The following PGRMC2 variants were observed in gnomAD, a reference collection of about 807,000 sequenced individuals.
The protein encoded by PGRMC2 is membrane-associated progesterone receptor component 2.
Under a neutral mutation model 19.3 loss-of-function variants are expected in PGRMC2, and 9 were observed. That is an observed-to-expected ratio of 0.47 (90% CI 0.28 to 0.81). The LOEUF (loss-of-function observed/expected upper bound fraction) is 0.81. PGRMC2 is among the 40% of genes least tolerant of loss of function. The pLI is 0.11. For missense variants in PGRMC2, 289 were observed against 297.3 expected (o/e 0.97, Z 0.21); for synonymous variants, 157 against 124.6 (o/e 1.26, Z -1.73).
intron 1 of PGRMC2, among the ~76,000 whole-genome samples, chr4:128,284,620 A>G (rs544047117): frequency 3.3e-5 from 5 of 150,952 alleles, no homozygotes; most frequent in African/African-American, 1.2e-4. Context: ...ATGACTAAAA[A>G]TAAACACATG....
In PGRMC2 at chr4:128,287,793, C is replaced by A; in HGVS notation, c.-3G>T. 1 of 1,509,452 alleles carries A rather than the reference C, an allele frequency of 6.6e-7. No individual in the cohort carries two copies. Among genetic ancestry groups the A allele is most frequent in the Non-Finnish European group, 9.0e-7 (1 of 1,107,766 alleles). 93.5% of individuals were successfully genotyped at this position (1,509,452 alleles called of 1,614,324 possible). On this transcript the variant is annotated 5_prime_UTR_variant, in exon 1 of 3. Transcript: ENST00000296425. ...ACGTCCCCATCACCAGCCGCCATCACTGCCCGCCAGCGCCTTCCTCCTCCT... is the reference window on the plus strand; with the variant it reads ...ACGTCCCCATCACCAGCCGCCATCAATGCCCGCCAGCGCCTTCCTCCTCCT...
intron 1 of PGRMC2, among the ~76,000 whole-genome samples, chr4:128,283,004 C>T (rs1432272855): frequency 6.6e-6 from 1 of 152,094 alleles, no homozygotes; most frequent in Non-Finnish European, 1.5e-5. Flanking sequence ...AAAGAATACT[C>T]CACCTGGAAT....
Position 128,287,552 on chromosome 4 carries a change from A to G in PGRMC2, c.239T>C (p.Leu80Pro). ...CTCGCCCGCCCCGGCCCCGGCCCCCAGACCCCGCCGCCCCCAGCGCACCCA... is the reference window on the plus strand; with the variant it reads ...CTCGCCCGCCCCGGCCCCGGCCCCCGGACCCCGCCGCCCCCAGCGCACCCA... The part of the protein sequence containing the change: ...RLWVRWGRRG[L>P]GAGAGAGEES... Residue 80 changes from leucine to proline, a missense_variant, in exon 1 of 3, where the codon CTG becomes CCG. Transcript: ENST00000296425. 2 of 209,242 alleles carry G rather than the reference A, an allele frequency of 9.6e-6. No individual in the cohort carries two copies. Among genetic ancestry groups the G allele is most frequent in the East Asian group, 2.9e-4 (1 of 3,468 alleles). 13.0% of individuals were successfully genotyped at this position (209,242 alleles called of 1,614,324 possible).
At position 128,271,164 on chromosome 4, in the gene PGRMC2, T is replaced by G. The variant is rs1300310505; in HGVS notation, c.*152A>C. The G allele has an allele frequency of 1.3e-5, 6 of 476,208 alleles. No individual in the cohort carries two copies. Among genetic ancestry groups the G allele is most frequent in the Non-Finnish European group, 2.3e-5 (6 of 264,348 alleles). 29.5% of individuals were successfully genotyped at this position (476,208 alleles called of 1,614,324 possible). ...GGCAGCATAAATAATGTCTAGTTATTCAAATCTTCATAGTGAGATTAATTT... is the reference window on the plus strand; with the variant it reads ...GGCAGCATAAATAATGTCTAGTTATGCAAATCTTCATAGTGAGATTAATTT... On this transcript the variant is annotated 3_prime_UTR_variant, in exon 3 of 3. Transcript: ENST00000296425.
At chr4:128,281,810 T>C (rs1760914349) in intron 1 of PGRMC2, among the ~76,000 whole-genome samples, 2 of 152,228 alleles carry the variant, frequency 1.3e-5, no homozygotes, top group Admixed American at 6.5e-5. Flanking sequence ...AGGTTTCTAG[T>C]ATGATCAGTT....
intron 1 of PGRMC2, among the ~76,000 whole-genome samples, chr4:128,285,482 C>T (rs1173188553): frequency 6.6e-6 from 1 of 152,214 alleles, no homozygotes; most frequent in South Asian, 2.1e-4. Flanking sequence ...GGCTGCCAAA[C>T]TGTTTCTATG....
chr4:128,285,715 T>A lies in PGRMC2; in HGVS notation c.418+1658A>T, dbSNP rs929273685. Among the ~76,000 whole-genome samples, 3 of 152,350 alleles carry A rather than the reference T, an allele frequency of 2.0e-5. No individual in the cohort carries two copies. In the South Asian group the frequency reaches 6.2e-4, roughly 32 times the overall value. ...ATGGGGGAAAAGCTTGAACTAGGTA[T>A]AAAATGCTGTCTAAATCCTTGATTT... On this transcript the variant is annotated intron_variant, in intron 1 of 2. Transcript: ENST00000296425.
chr4:128,287,620 G>A lies in PGRMC2; in HGVS notation c.171C>T (p.Asn57=), dbSNP rs914755931. The A allele has an allele frequency of 4.5e-5, 59 of 1,309,434 alleles. No homozygotes were observed. Among genetic ancestry groups the A allele is most frequent in the Non-Finnish European group, 5.5e-5 (55 of 1,005,984 alleles). 81.1% of individuals were successfully genotyped at this position (1,309,434 alleles called of 1,614,324 possible). ...GCAGCACCAGAGCCACCAGCGCCAC[G>A]TTCAGCAGCATTTCCCCGCCCCCCG... ...LLTGGGEMLL[N]VALVALVLLG... Residue 57 remains asparagine (N), a synonymous_variant, in exon 1 of 3, where the codon AAC becomes AAT. Coordinates refer to ENST00000296425, the MANE Select transcript of PGRMC2 (RefSeq NM_006320.6).
At chr4:128,278,509 T>C (rs1578884541) in intron 1 of PGRMC2, among the ~76,000 whole-genome samples, 1 of 152,004 alleles carries the variant, frequency 6.6e-6, no homozygotes, top group African/African-American at 2.4e-5. Context: ...GATACGCAGG[T>C]TGCAGTGAGC....
intron 1 of PGRMC2, 73 bp from the exon 2 acceptor site, chr4:128,272,590 A>C (rs1760749106): frequency 1.1e-6 from 1 of 921,804 alleles, no homozygotes; most frequent in African/African-American, 1.8e-5. Flanking sequence ...AAAGTAAAAA[A>C]AAAAAAAAAA....
intron 2 of PGRMC2, among the ~76,000 whole-genome samples, chr4:128,271,656 C>T (rs1179020846): frequency 2.0e-5 from 3 of 152,132 alleles, no homozygotes; most frequent in Admixed American, 6.5e-5. Flanking sequence ...TGTTCTGTAC[C>T]AGTGATTCTT....
At chr4:128,280,647 C>T (rs1760895571) in intron 1 of PGRMC2, among the ~76,000 whole-genome samples, 1 of 152,020 alleles carries the variant, frequency 6.6e-6, no homozygotes, top group African/African-American at 2.4e-5. Flanking sequence ...TGCTCTGTCA[C>T]CCAGGTTGAG....
At chr4:128,279,024 C>T (rs1056043127) in intron 1 of PGRMC2, among the ~76,000 whole-genome samples, 13 of 152,114 alleles carry the variant, frequency 8.5e-5, no homozygotes, top group Non-Finnish European at 1.3e-4. Context: ...GACTGACCAA[C>T]ATGGAGAAAC....
chr4:128,280,093 A>T (rs1038101590), intron 1 of PGRMC2, among the ~76,000 whole-genome samples: 1 of 152,168 alleles, frequency 6.6e-6, no homozygotes, highest in Non-Finnish European at 1.5e-5. Flanking sequence ...AAAAGTAACT[A>T]CTGAAGATAA....
intron 1 of PGRMC2, among the ~76,000 whole-genome samples, chr4:128,283,197 G>C (rs371181249): frequency 6.6e-6 from 1 of 152,176 alleles, no homozygotes; most frequent in East Asian, 1.9e-4. Context: ...TTATGATTCT[G>C]TAAACATGTG....
At chr4:128,284,368 T>A (rs1164127077) in intron 1 of PGRMC2, among the ~76,000 whole-genome samples, 2 of 152,224 alleles carry the variant, frequency 1.3e-5, no homozygotes, top group Admixed American at 1.3e-4. Flanking sequence ...CACTGAGGAA[T>A]TATGGAGATA....
intron 2 of PGRMC2, among the ~76,000 whole-genome samples, chr4:128,272,077 A>G (rs993643402): frequency 6.6e-6 from 1 of 152,186 alleles, no homozygotes; most frequent in Non-Finnish European, 1.5e-5. Flanking sequence ...ACATGTAACA[A>G]TCATATTTTT....
intron 1 of PGRMC2, among the ~76,000 whole-genome samples, chr4:128,277,309 T>C (rs1760828618): frequency 6.6e-6 from 1 of 152,234 alleles, no homozygotes; most frequent in Non-Finnish European, 1.5e-5. Context: ...TGTTACCGTA[T>C]CCTAAAACTG....
Position 128,269,485 on chromosome 4 carries a change from A to C in PGRMC2, c.*1831T>G, listed in dbSNP as rs1490298636. 2 of 152,220 alleles carry C rather than the reference A, an allele frequency of 1.3e-5. No individual in the cohort carries two copies. Among genetic ancestry groups the C allele is most frequent in the African/African-American group, 2.4e-5 (1 of 41,454 alleles). The allele number at this position is 152,220 out of a possible 1,614,324, so 9.4% of individuals were successfully genotyped here. A position where few individuals can be genotyped will look rare whatever the true frequency, so the allele number is the denominator to read the frequency against. Reference sequence around the variant, plus strand: ...TTTTACATAAAAACACAAAGCATTTACCAACACTCCACAACCAGTCTTCAG... The same window carrying C: ...TTTTACATAAAAACACAAAGCATTTCCCAACACTCCACAACCAGTCTTCAG... On this transcript the variant is annotated 3_prime_UTR_variant, in exon 3 of 3. Coordinates refer to ENST00000296425, the MANE Select transcript of PGRMC2 (RefSeq NM_006320.6).
Sources: gnomAD v4.1 joint callset for allele counts (sites outside exome capture counted in the v4.1 genomes callset) on GRCh38, gnomAD v4.1.1 for gene constraint, MANE v1.5 for transcripts, NCBI Gene and HGNC (gene_info 2026-07-23, HGNC 2026-07-21) for gene names.